PRR16: variants seen among roughly 807,000 people sequenced by gnomAD.
PRR16 encodes protein Largen.
A neutral mutation model predicts 18.2 loss-of-function variants in PRR16; 6 were observed. That is an observed-to-expected ratio of 0.33 (90% CI 0.18 to 0.65). The LOEUF is 0.65. PRR16 is among the 30% of genes least tolerant of loss of function. PRR16 has a pLI of 0.74. For synonymous variants in PRR16, 151 were observed against 147.8 expected (o/e 1.02, Z -0.16); for missense variants, 412 against 376.6 (o/e 1.09, Z -0.78).
At chr5:120,788,803 G>C in the PRR16 span, among the ~76,000 whole-genome samples, 3 of 152,012 alleles carry the variant, frequency 2.0e-5, no homozygotes, top group Non-Finnish European at 4.4e-5. Context: ...TGTGTTCAGT[G>C]ATTTTTCTGG....
chr5:120,540,696 T>C (rs927923485), intron 1 of PRR16, among the ~76,000 whole-genome samples: 3 of 152,168 alleles, frequency 2.0e-5, no homozygotes, highest in African/African-American at 7.2e-5. Flanking sequence ...ATCTGGGAGT[T>C]ATTTATATCC....
rs563907937 is a variant in PRR16 at position 120,582,683 on chromosome 5, T to A, written c.160-103271T>A. Reference sequence around the variant, plus strand: ...GTATAGTATTTTCTGAACGATTTTTTAAAAATTTCTTTCGTAATAGTAATA... The same window carrying A: ...GTATAGTATTTTCTGAACGATTTTTAAAAAATTTCTTTCGTAATAGTAATA... On this transcript the variant is annotated intron_variant, in intron 1 of 1. Coordinates refer to ENST00000407149, the MANE Select transcript of PRR16 (RefSeq NM_001300783.2). Among the ~76,000 whole-genome samples the A allele has an allele frequency of 3.1e-4, 47 of 152,298 alleles. No homozygotes were observed. The South Asian group carries it at 6.0e-3, about 19-fold the overall frequency.
intron 1 of PRR16, among the ~76,000 whole-genome samples, chr5:120,532,379 A>G (rs759091127): frequency 5.3e-5 from 8 of 152,122 alleles, no homozygotes; most frequent in Non-Finnish European, 1.0e-4. Context: ...ATTTAAGTTT[A>G]TGGGCTAGCT....
At position 120,686,194 on chromosome 5, in the gene PRR16, T is replaced by C. The variant is rs1334522777; in HGVS notation, c.400T>C (p.Cys134Arg). 8.7e-6 allele frequency: 14 copies of C among 1,614,102 alleles called. No homozygotes were observed. The highest frequency in any genetic ancestry group is 1.3e-5 in the African/African-American group (1 of 75,018). The change falls in exon 2 of 2, where the codon TGT becomes CGT. Residue 134 changes from cysteine to arginine, a missense_variant. By Grantham distance (180) the Cys-to-Arg change is radical. Coordinates refer to ENST00000407149, the MANE Select transcript of PRR16 (RefSeq NM_001300783.2). ...PPPPRLTPVK[C>R]EDPKRVVPTA... The stretch of plus-strand genomic sequence containing the variant: ...TCCTCCAAGGTTGACACCTGTGAAG[T>C]GTGAAGACCCCAAAAGGGTGGTTCC...
intron 1 of PRR16, among the ~76,000 whole-genome samples, chr5:120,515,634 GA>G (rs1336828266): frequency 1.3e-5 from 2 of 151,844 alleles, no homozygotes; most frequent in Non-Finnish European, 1.5e-5. Flanking sequence ...CTTACTCACT[GA>G]AAAAAACCCA....
the PRR16 span, among the ~76,000 whole-genome samples, chr5:120,746,885 A>T: frequency 1.3e-5 from 2 of 152,222 alleles, no homozygotes; most frequent in African/African-American, 2.4e-5. Flanking sequence ...GAGTCACAGG[A>T]GAAATTATTT....
chr5:120,732,209 CAATT>C, the PRR16 span, among the ~76,000 whole-genome samples: 1 of 152,110 alleles, frequency 6.6e-6, no homozygotes, highest in Admixed American at 6.6e-5. Flanking sequence ...TTATAATGAA[CAATT>C]AATTTATCAG....
At chr5:120,497,302 C>G (rs1247324633) in intron 1 of PRR16, among the ~76,000 whole-genome samples, 1 of 147,914 alleles carries the variant, frequency 6.8e-6, no homozygotes, top group African/African-American at 2.5e-5. Context: ...GAATGTTGAA[C>G]TGTTCAACTA....
chr5:120,736,155 G>A, the PRR16 span, among the ~76,000 whole-genome samples: 1 of 152,188 alleles, frequency 6.6e-6, no homozygotes, highest in African/African-American at 2.4e-5. Context: ...ATGGGCTGTT[G>A]ATTCTACTGC....
intron 1 of PRR16, among the ~76,000 whole-genome samples, chr5:120,491,870 G>C (rs760831698): frequency 1.3e-5 from 2 of 151,934 alleles, no homozygotes; most frequent in Non-Finnish European, 2.9e-5. Flanking sequence ...TCGTTTTATT[G>C]ATTTCATTTT....
chr5:120,702,850 G>A, the PRR16 span, among the ~76,000 whole-genome samples: 183 of 152,292 alleles, frequency 1.2e-3, no homozygotes, highest in African/African-American at 4.0e-3. Flanking sequence ...TGGGCTGGTC[G>A]GTCTGAGGAC....
intron 1 of PRR16, among the ~76,000 whole-genome samples, chr5:120,499,267 G>A (rs1056188565): frequency 3.4e-4 from 52 of 151,736 alleles, no homozygotes; most frequent in African/African-American, 1.3e-3. Flanking sequence ...GCACCACCAC[G>A]CCTGGCTAAT....
intron 1 of PRR16, among the ~76,000 whole-genome samples, chr5:120,545,928 A>G (rs1041800051): frequency 2.0e-5 from 3 of 152,036 alleles, no homozygotes; most frequent in East Asian, 1.9e-4. Flanking sequence ...CAGAGGCTCT[A>G]TTTTGTATTG....
At chr5:120,656,806 A>T (rs1389253498) in intron 1 of PRR16, among the ~76,000 whole-genome samples, 1 of 151,988 alleles carries the variant, frequency 6.6e-6, no homozygotes, top group African/African-American at 2.4e-5. Context: ...AATTTATTTC[A>T]TTCAACCTAC....
chr5:120,646,043 A>G (rs1755583283), intron 1 of PRR16, among the ~76,000 whole-genome samples: 1 of 14,470 alleles, frequency 6.9e-5, no homozygotes. Context: ...AAAAAAATAC[A>G]TATTTTATAT....
chr5:120,535,076 CGTGTGTGTGT>C (rs34220996), intron 1 of PRR16, among the ~76,000 whole-genome samples: 3 of 146,416 alleles, frequency 2.0e-5, no homozygotes, highest in African/African-American at 7.5e-5. Context: ...TCACTTTACA[CGTGTGTGTGT>C]GTGTGTGTGT....
chr5:120,535,407 A>G (rs941696157), intron 1 of PRR16, among the ~76,000 whole-genome samples: 15 of 152,188 alleles, frequency 9.9e-5, no homozygotes, highest in African/African-American at 3.6e-4. Context: ...TAATTTGTAT[A>G]CATGATGCCC....
chr5:120,702,228 T>G, the PRR16 span, among the ~76,000 whole-genome samples: 2 of 104,358 alleles, frequency 1.9e-5, no homozygotes, highest in South Asian at 3.1e-4. Flanking sequence ...AAATAAGGGG[T>G]CGGGACACAG....
At chr5:120,547,885 C>T (rs527687660) in intron 1 of PRR16, among the ~76,000 whole-genome samples, 4 of 151,712 alleles carry the variant, frequency 2.6e-5, no homozygotes, top group South Asian at 2.1e-4. Flanking sequence ...CCCATACAGG[C>T]AGTAGATGAG....
Sources: allele counts gnomAD v4.1 joint callset (sites outside exome capture counted in the v4.1 genomes callset), GRCh38; gene constraint gnomAD v4.1.1; transcripts MANE v1.5; gene names NCBI Gene and HGNC (gene_info 2026-07-23, HGNC 2026-07-21).